Variants in KCNH8 observed in about 807,000 individuals in gnomAD.
The protein encoded by KCNH8 is voltage-gated delayed rectifier potassium channel KCNH8.
Under a neutral mutation model 103.6 loss-of-function variants are expected in KCNH8, and 70 were observed. That is an observed-to-expected ratio of 0.68 (90% CI 0.56 to 0.82). The LOEUF (loss-of-function observed/expected upper bound fraction) is 0.82. KCNH8 is among the 40% of genes least tolerant of loss of function. KCNH8 has a pLI of 0.00. For synonymous variants in KCNH8, 498 were observed against 489.4 expected, an observed-to-expected ratio of 1.02 and a Z score of -0.23; for missense variants, 1,217 against 1,329.9, an observed-to-expected ratio of 0.92 and a Z score of 1.32.
intron 1 of KCNH8, among the ~76,000 whole-genome samples, chr3:19,155,457 G>A (rs1311639987): frequency 6.6e-6 from 1 of 151,938 alleles, no homozygotes; most frequent in African/African-American, 2.4e-5. Flanking sequence ...AGTTTCCATT[G>A]TTCCCAGAGT....
At chr3:19,381,598 C>G (rs1395269742) in intron 5 of KCNH8, among the ~76,000 whole-genome samples, 2 of 151,476 alleles carry the variant, frequency 1.3e-5, no homozygotes, top group Non-Finnish European at 1.5e-5. Context: ...TTGATATTCA[C>G]AAAAACCAGT....
At chr3:19,399,509 G>T (rs1417024027) in intron 7 of KCNH8, among the ~76,000 whole-genome samples, 1 of 151,948 alleles carries the variant, frequency 6.6e-6, no homozygotes, top group African/African-American at 2.4e-5. Context: ...TCAGGAATGT[G>T]ATTTTGAATC....
At chr3:19,221,955 C>T (rs1290768256) in intron 1 of KCNH8, among the ~76,000 whole-genome samples, 3 of 151,888 alleles carry the variant, frequency 2.0e-5, no homozygotes, top group Admixed American at 6.6e-5. Flanking sequence ...TCAAGCGATT[C>T]GCCTGCCTCA....
chr3:19,376,332 G>A (rs1170519225), intron 5 of KCNH8, among the ~76,000 whole-genome samples: 1 of 152,218 alleles, frequency 6.6e-6, no homozygotes. Context: ...TCGGAAAAGC[G>A]CAGTATTCGG....
At chr3:19,463,305 A>G (rs2067671133) in intron 11 of KCNH8, among the ~76,000 whole-genome samples, 1 of 152,180 alleles carries the variant, frequency 6.6e-6, no homozygotes, top group African/African-American at 2.4e-5. Flanking sequence ...GTTAACACAA[A>G]TATAAATAAA....
intron 1 of KCNH8, among the ~76,000 whole-genome samples, chr3:19,234,283 G>A (rs939126107): frequency 1.3e-5 from 2 of 152,206 alleles, no homozygotes; most frequent in Non-Finnish European, 2.9e-5. Context: ...GCTGTGGGCC[G>A]GCACTCCTCA....
chr3:19,231,914 C>T (rs1324253652), intron 1 of KCNH8, among the ~76,000 whole-genome samples: 1 of 152,188 alleles, frequency 6.6e-6, no homozygotes, highest in Non-Finnish European at 1.5e-5. Context: ...TACATTCCTT[C>T]CTGAAATATT....
chr3:19,203,295 T>TA (rs1375237739), intron 1 of KCNH8, among the ~76,000 whole-genome samples: 1 of 152,070 alleles, frequency 6.6e-6, no homozygotes, highest in African/African-American at 2.4e-5. Flanking sequence ...TAAATTTGGC[T>TA]AAAGATTCAA....
In KCNH8 at chr3:19,526,028, A is replaced by G. The variant is rs572322691; in HGVS notation, c.2620-7367A>G. Among the ~76,000 whole-genome samples the G allele has an allele frequency of 3.9e-5, 6 of 152,098 alleles. No individual in the cohort carries two copies. In the East Asian group the frequency reaches 1.2e-3, roughly 30 times the overall value. On this transcript the variant is annotated intron_variant, in intron 15 of 15. Coordinates refer to ENST00000328405, the MANE Select transcript of KCNH8 (RefSeq NM_144633.3). ...GCCTGCTTATGGAGTTTGTTTGAAC[A>G]TGTCTGAATCTTATGATAAATATGC...
chr3:19,231,254 T>C (rs915611631), intron 1 of KCNH8, among the ~76,000 whole-genome samples: 7 of 152,184 alleles, frequency 4.6e-5, no homozygotes, highest in African/African-American at 1.7e-4. Context: ...TGTACTATGT[T>C]TTCCTTTTTA....
chr3:19,419,277 G>A (rs1417241825), intron 7 of KCNH8, among the ~76,000 whole-genome samples: 8 of 140,254 alleles, frequency 5.7e-5, no homozygotes, highest in African/African-American at 2.7e-5. Flanking sequence ...TCGGCTCACT[G>A]CAAGCTCTGC....
At chr3:19,162,083 A>G (rs2063239406) in intron 1 of KCNH8, among the ~76,000 whole-genome samples, 1 of 152,144 alleles carries the variant, frequency 6.6e-6, no homozygotes, top group African/African-American at 2.4e-5. Flanking sequence ...TTTTCTTTAC[A>G]TTTTATTTGA....
chr3:19,246,424 G>T (rs953794381), intron 1 of KCNH8, among the ~76,000 whole-genome samples: 1 of 151,198 alleles, frequency 6.6e-6, no homozygotes, highest in Non-Finnish European at 1.5e-5. Flanking sequence ...CTACAGGCAC[G>T]TGCCACCATG....
At chr3:19,519,219 C>A (rs1162458191) in intron 15 of KCNH8, among the ~76,000 whole-genome samples, 3 of 151,886 alleles carry the variant, frequency 2.0e-5, no homozygotes, top group African/African-American at 7.2e-5. Flanking sequence ...TAGACCCAGG[C>A]AAGGGCATGT....
chr3:19,347,608 A>G, intron 4 of KCNH8, 117 bp from the exon 5 acceptor site: 1 of 1,220,986 alleles, frequency 8.2e-7, no homozygotes, highest in Non-Finnish European at 1.1e-6. Context: ...AGTCACTTGT[A>G]AGATACTGCT....
chr3:19,234,791 C>T (rs116719777), intron 1 of KCNH8, among the ~76,000 whole-genome samples: 2,140 of 152,368 alleles, frequency 0.014, 54 homozygotes, highest in African/African-American at 0.049. Flanking sequence ...GCACTGCCAG[C>T]ACGCTGTCAC....
At chr3:19,504,966 GAT>G (rs147882746) in intron 11 of KCNH8, among the ~76,000 whole-genome samples, 51 of 145,980 alleles carry the variant, frequency 3.5e-4, no homozygotes, top group Middle Eastern at 3.6e-3. Context: ...GAAAATGTGA[GAT>G]ATATATATAT....
intron 1 of KCNH8, among the ~76,000 whole-genome samples, chr3:19,164,544 A>C (rs2063263809): frequency 6.6e-6 from 1 of 152,208 alleles, no homozygotes; most frequent in South Asian, 2.1e-4. Context: ...ACATTTTGTA[A>C]GTAGTGAAGC....
intron 3 of KCNH8, among the ~76,000 whole-genome samples, chr3:19,300,793 A>G (rs972414374): frequency 1.3e-4 from 20 of 151,676 alleles, no homozygotes; most frequent in Non-Finnish European, 2.7e-4. Context: ...CTTCTTTTCA[A>G]TTGAGAGCTA....
Sources: gnomAD v4.1 joint callset for allele counts (sites outside exome capture counted in the v4.1 genomes callset) on GRCh38, gnomAD v4.1.1 for gene constraint, MANE v1.5 for transcripts, NCBI Gene and HGNC (gene_info 2026-07-23, HGNC 2026-07-21) for gene names.